Variants in ANK2 observed in about 807,000 individuals in gnomAD.
ANK2 encodes ankyrin-2.
ANK2 carries 83 observed loss-of-function variants against 360.5 expected under a neutral mutation model. The ratio of observed to expected loss-of-function variants is 0.23; its 90% CI spans 0.19 to 0.28. The LOEUF (loss-of-function observed/expected upper bound fraction) is 0.28. Among genes scored for constraint, ANK2 ranks in the 10% least tolerant of loss-of-function variants. The pLI is 1.00. For missense variants in ANK2, 4,201 were observed against 4,795.7 expected, an observed-to-expected ratio of 0.88 and a Z score of 3.66; for synonymous variants, 1,740 against 1,759.5, an observed-to-expected ratio of 0.99 and a Z score of 0.28.
intron 33 of ANK2, 95 bp downstream of exon 33, chr4:113,342,011 T>C: frequency 8.0e-7 from 1 of 1,245,010 alleles, no homozygotes; most frequent in Non-Finnish European, 1.1e-6. Flanking sequence ...AATAGAATAA[T>C]TAAAAAGTGA....
At chr4:112,753,174 G>A in the ANK2 span, among the ~76,000 whole-genome samples, 7 of 152,260 alleles carry the variant, frequency 4.6e-5, no homozygotes, top group African/African-American at 9.6e-5. Flanking sequence ...TGCTTCTCCC[G>A]GACTCGAAGA....
intron 1 of ANK2, among the ~76,000 whole-genome samples, chr4:112,876,489 A>G (rs768243086): frequency 3.9e-5 from 6 of 152,160 alleles, no homozygotes; most frequent in African/African-American, 7.2e-5. Context: ...GCAAAAAAAA[A>G]GAAGTATGTG....
intron 1 of ANK2, among the ~76,000 whole-genome samples, chr4:113,169,046 T>TA (rs908278094): frequency 4.3e-4 from 66 of 152,250 alleles, no homozygotes; most frequent in Non-Finnish European, 8.2e-4. Context: ...TCTTCACATT[T>TA]AAAAAAAGTC....
intron 15 of ANK2, among the ~76,000 whole-genome samples, chr4:113,276,044 C>A (rs1365597318): frequency 2.7e-5 from 4 of 149,460 alleles, no homozygotes; most frequent in Non-Finnish European, 5.9e-5. Context: ...CGGGTTCAAG[C>A]GATTCTTCTG....
intron 1 of ANK2, among the ~76,000 whole-genome samples, chr4:113,134,336 C>A (rs1582635688): frequency 1.0e-5 from 1 of 95,890 alleles, no homozygotes; most frequent in African/African-American, 4.2e-5. Context: ...AACCCAAGGA[C>A]AAAATTCAAA....
At chr4:113,210,316 T>C (rs913795606) in intron 4 of ANK2, among the ~76,000 whole-genome samples, 1 of 152,170 alleles carries the variant, frequency 6.6e-6, no homozygotes, top group Non-Finnish European at 1.5e-5. Context: ...TTAGGGACAA[T>C]TTTCACATTG....
chr4:112,807,741 A>T, the ANK2 span, among the ~76,000 whole-genome samples: 1 of 152,194 alleles, frequency 6.6e-6, no homozygotes, highest in Non-Finnish European at 1.5e-5. Flanking sequence ...AAATGCTGAA[A>T]ATCCACTATT....
intron 20 of ANK2, among the ~76,000 whole-genome samples, chr4:113,291,486 G>A (rs2067547225): frequency 6.6e-6 from 1 of 152,228 alleles, no homozygotes; most frequent in South Asian, 2.1e-4. Context: ...CCTGATACAT[G>A]TGGGCATGTT....
intron 2 of ANK2, among the ~76,000 whole-genome samples, chr4:112,927,199 C>T (rs1300926713): frequency 6.6e-6 from 1 of 152,142 alleles, no homozygotes; most frequent in Non-Finnish European, 1.5e-5. Flanking sequence ...CACAGCCAAA[C>T]CATATCACAT....
At chr4:113,371,102 C>G (rs1452308131) in intron 43 of ANK2, among the ~76,000 whole-genome samples, 2 of 151,896 alleles carry the variant, frequency 1.3e-5, no homozygotes, top group Non-Finnish European at 2.9e-5. Context: ...TAATATAAAG[C>G]TTAGTAGTAA....
chr4:112,731,896 G>A, the ANK2 span, among the ~76,000 whole-genome samples: 5 of 152,156 alleles, frequency 3.3e-5, no homozygotes, highest in Admixed American at 2.6e-4. Flanking sequence ...TCAATTCCTG[G>A]GCTCAAGCCT....
chr4:112,833,082 TCTTA>T (rs2060154358), intron 1 of ANK2, among the ~76,000 whole-genome samples: 1 of 152,214 alleles, frequency 6.6e-6, no homozygotes, highest in African/African-American at 2.4e-5. Flanking sequence ...TGAAAGGTGG[TCTTA>T]CTTTCAGTTT....
chr4:112,753,212 G>A, the ANK2 span, among the ~76,000 whole-genome samples: 2 of 152,196 alleles, frequency 1.3e-5, no homozygotes, highest in Non-Finnish European at 2.9e-5. Flanking sequence ...TGCTGATATG[G>A]AATAAATGTG....
intron 1 of ANK2, among the ~76,000 whole-genome samples, chr4:113,057,771 T>G (rs2070859283): frequency 1.3e-5 from 2 of 152,162 alleles, no homozygotes; most frequent in Non-Finnish European, 2.9e-5. Context: ...ATATTCAGCC[T>G]TCTGCCTTTA....
intron 20 of ANK2, among the ~76,000 whole-genome samples, chr4:113,290,855 G>A (rs2067187964): frequency 6.6e-6 from 1 of 152,156 alleles, no homozygotes; most frequent in Non-Finnish European, 1.5e-5. Flanking sequence ...CTCCTAGCCA[G>A]ATGGGCCTAT....
intron 1 of ANK2, among the ~76,000 whole-genome samples, chr4:112,874,112 C>G (rs191428003): frequency 8.1e-5 from 11 of 136,458 alleles, no homozygotes; most frequent in Non-Finnish European, 1.7e-4. Flanking sequence ...GTCAGAGTCT[C>G]GCACTGTCTC....
chr4:113,231,535 A>G (rs915437405), intron 4 of ANK2, among the ~76,000 whole-genome samples: 1 of 152,176 alleles, frequency 6.6e-6, no homozygotes, highest in Admixed American at 6.5e-5. Context: ...TAAAGATGCT[A>G]TATATAGTGA....
chr4:113,122,758 T>A (rs937098973), intron 1 of ANK2, among the ~76,000 whole-genome samples: 8 of 152,088 alleles, frequency 5.3e-5, no homozygotes, highest in Non-Finnish European at 1.2e-4. Context: ...TATTATTATT[T>A]AAAACCCATT....
At chr4:112,822,433 GA>G (rs2057382615) in intron 1 of ANK2, among the ~76,000 whole-genome samples, 1 of 138,442 alleles carries the variant, frequency 7.2e-6, no homozygotes, top group East Asian at 2.1e-4. Context: ...AAAAAAAAAA[GA>G]AAAACAACAA....
Sources: allele counts gnomAD v4.1 joint callset (sites outside exome capture counted in the v4.1 genomes callset), GRCh38; gene constraint gnomAD v4.1.1; transcripts MANE v1.5; gene names NCBI Gene and HGNC (gene_info 2026-07-23, HGNC 2026-07-21).